Variants in SIN3A observed in about 807,000 individuals in gnomAD.
The protein encoded by SIN3A is paired amphipathic helix protein Sin3a.
In SIN3A, 14 loss-of-function variants were observed where a neutral mutation model predicts 146.1. The observed-to-expected ratio is 0.10, with a 90% confidence interval of 0.06 to 0.15. The LOEUF is 0.15. SIN3A is among the 10% of genes least tolerant of loss of function. The pLI is 1.00. For missense variants in SIN3A, 1,028 were observed against 1,576.0 expected, an observed-to-expected ratio of 0.65 and a Z score of 5.89; for synonymous variants, 572 against 572.0, an observed-to-expected ratio of 1.00 and a Z score of 0.00.
intron 1 of SIN3A, among the ~76,000 whole-genome samples, chr15:75,445,981 G>A (rs1282796584): frequency 6.6e-6 from 1 of 152,028 alleles, no homozygotes; most frequent in Non-Finnish European, 1.5e-5. Context: ...TGTCTGTGGT[G>A]GAAACCAAAT....
rs1227291184 is a variant in SIN3A at position 75,375,095 on chromosome 15, C to T, written c.3591+570G>A. On this transcript the variant is annotated intron_variant, in intron 20 of 20. Coordinates refer to ENST00000394947, the MANE Select transcript of SIN3A (RefSeq NM_001145358.2). ...CCAAAAAGGTGCCACCGGGTATTTA[C>T]GTGCTCTTACAGGCTGAACTGTATT... Among the ~76,000 whole-genome samples the T allele has an allele frequency of 2.6e-5, 4 of 152,146 alleles. No individual in the cohort carries two copies. The East Asian group carries it at 5.8e-4, about 22-fold the overall frequency.
chr15:75,399,255 G>A (rs1309528599), intron 12 of SIN3A, among the ~76,000 whole-genome samples: 1 of 151,914 alleles, frequency 6.6e-6, no homozygotes, highest in South Asian at 2.1e-4. Context: ...TCAGCTGGGC[G>A]CAGTGGCTCA....
Position 75,430,233 on chromosome 15 carries a change from A to G in SIN3A, c.143T>C (p.Met48Thr). 2 of 1,614,156 alleles carry G rather than the reference A, an allele frequency of 1.2e-6. No homozygotes were observed. The highest frequency in any genetic ancestry group is 8.5e-7 in the Non-Finnish European group (1 of 1,180,018). ...PPVYEAVSET[M>T]QSATGIQYSV... Reference sequence around the variant, plus strand: ...GTACTGAATTCCCGTAGCTGACTGCATGGTCTCAGACACTGCTTCATACAC... The same window carrying G: ...GTACTGAATTCCCGTAGCTGACTGCGTGGTCTCAGACACTGCTTCATACAC... Residue 48 changes from methionine (M) to threonine (T), a missense_variant, in exon 2 of 21, where the codon ATG becomes ACG. Around this residue, in one of 9 missense-constraint regions of SIN3A, gnomAD observed 152 missense variants for 231.5 expected, o/e 0.66. Coordinates refer to ENST00000394947, the MANE Select transcript of SIN3A (RefSeq NM_001145358.2).
At chr15:75,408,594 A>C (rs748347049) in intron 8 of SIN3A, among the ~76,000 whole-genome samples, 1 of 152,262 alleles carries the variant, frequency 6.6e-6, no homozygotes, top group Non-Finnish European at 1.5e-5. Flanking sequence ...TGTTACATCA[A>C]AGAAGGGAGC....
chr15:75,386,108 C>T (rs2073071471), intron 16 of SIN3A, among the ~76,000 whole-genome samples: 1 of 152,238 alleles, frequency 6.6e-6, no homozygotes, highest in Admixed American at 6.5e-5. Context: ...AGTGCAGCCT[C>T]AACTTCCTGG....
rs1277439545 is a variant in SIN3A at position 75,369,669 on chromosome 15, C to T, written c.*2310G>A. 6.6e-6 allele frequency: 1 copy of T among 152,234 alleles called. No individual in the cohort carries two copies. Among genetic ancestry groups the T allele is most frequent in the Non-Finnish European group, 1.5e-5 (1 of 68,068 alleles). 9.4% of individuals were successfully genotyped at this position (152,234 alleles called of 1,614,324 possible). On this transcript the variant is annotated 3_prime_UTR_variant, in exon 21 of 21. Transcript: ENST00000394947. ...ACTGGCCTTGAAATCCTATCCTGAC[C>T]TGCAGGCAAGTGCTCTGGACAAAAC...
chr15:75,422,523 A>G (rs544431452), intron 3 of SIN3A, 124 bp downstream of exon 3: 79 of 1,140,688 alleles, frequency 6.9e-5, no homozygotes, highest in Non-Finnish European at 9.9e-5. Flanking sequence ...CAAAAACGGT[A>G]AAACTTGTGA....
At chr15:75,399,111 G>C (rs2073360346) in intron 12 of SIN3A, among the ~76,000 whole-genome samples, 1 of 151,742 alleles carries the variant, frequency 6.6e-6, no homozygotes, top group Non-Finnish European at 1.5e-5. Context: ...GGGTAGGGGT[G>C]GGGGTCTGAG....
intron 3 of SIN3A, chr15:75,415,548 GC>G: frequency 5.0e-6 from 1 of 198,808 alleles, no homozygotes; most frequent in Non-Finnish European, 1.0e-5. Flanking sequence ...CAAAGCCAGA[GC>G]CCAACCCTAA....
At chr15:75,444,259 G>A (rs1328501711) in intron 1 of SIN3A, among the ~76,000 whole-genome samples, 1 of 152,110 alleles carries the variant, frequency 6.6e-6, no homozygotes, top group Non-Finnish European at 1.5e-5. Context: ...TGGCCAATAT[G>A]GTGAAACCCC....
chr15:75,437,387 C>T (rs2074126197), intron 1 of SIN3A, among the ~76,000 whole-genome samples: 1 of 152,048 alleles, frequency 6.6e-6, no homozygotes, highest in Non-Finnish European at 1.5e-5. Context: ...GGCTGGTCTC[C>T]AACTCCTGGC....
chr15:75,396,570 A>C, intron 12 of SIN3A, 74 bp from the exon 13 acceptor site: 1 of 1,094,294 alleles, frequency 9.1e-7, no homozygotes, highest in Non-Finnish European at 1.3e-6. Context: ...TAGAAGAATA[A>C]GGTAGGGAGT....
intron 16 of SIN3A, among the ~76,000 whole-genome samples, chr15:75,384,711 C>T (rs1351355484): frequency 7.2e-5 from 11 of 152,096 alleles, no homozygotes; most frequent in African/African-American, 7.2e-5. Flanking sequence ...TCAGGATAAT[C>T]GTACTATTTA....
At chr15:75,386,754 G>A (rs2073090859) in intron 16 of SIN3A, among the ~76,000 whole-genome samples, 1 of 152,208 alleles carries the variant, frequency 6.6e-6, no homozygotes, top group Non-Finnish European at 1.5e-5. Flanking sequence ...TTTGAGTTCT[G>A]TACTTGGATG....
chr15:75,388,181 T>G (rs1190533066), intron 16 of SIN3A: 3 of 152,258 alleles, frequency 2.0e-5, no homozygotes, highest in African/African-American at 7.2e-5. Flanking sequence ...AATTGCTTTT[T>G]ACAAGTTTTC....
At chr15:75,375,939 TGAG>T in intron 19 of SIN3A, 67 bp from the exon 20 acceptor site, 1 of 1,494,142 alleles carries the variant, frequency 6.7e-7, no homozygotes, top group Non-Finnish European at 9.3e-7. Context: ...TTCCCCAAAG[TGAG>T]TTTTCTTTAT....
intron 3 of SIN3A, chr15:75,421,366 G>A (rs1047073403): frequency 2.0e-5 from 3 of 152,056 alleles, no homozygotes; most frequent in Non-Finnish European, 4.4e-5. Flanking sequence ...GAAGCTTCAG[G>A]CCTAAAAAAC....
At chr15:75,393,055 C>A (rs111883498) in intron 14 of SIN3A, among the ~76,000 whole-genome samples, 2 of 152,142 alleles carry the variant, frequency 1.3e-5, no homozygotes, top group African/African-American at 2.4e-5. Context: ...TATGGTGAAA[C>A]CCCGCCTCTA....
At chr15:75,439,275 G>A (rs891693561) in intron 1 of SIN3A, among the ~76,000 whole-genome samples, 1 of 151,840 alleles carries the variant, frequency 6.6e-6, no homozygotes, top group Non-Finnish European at 1.5e-5. Flanking sequence ...AAATTATTTG[G>A]CCCAAAATGT....
Sources: allele counts gnomAD v4.1 joint callset (sites outside exome capture counted in the v4.1 genomes callset), GRCh38; gene constraint gnomAD v4.1.1; regional missense constraint gnomAD v4.1.1; transcripts MANE v1.5; gene names NCBI Gene and HGNC (gene_info 2026-07-23, HGNC 2026-07-21).